Variants in MAST4 observed in about 807,000 individuals in gnomAD.
The protein encoded by MAST4 is microtubule associated serine/threonine kinase family member 4.
A neutral mutation model predicts 162.7 loss-of-function variants in MAST4; 89 were observed. The ratio of observed to expected loss-of-function variants is 0.55; its 90% CI spans 0.46 to 0.65. The LOEUF (loss-of-function observed/expected upper bound fraction) is 0.65. Among genes scored for constraint, MAST4 ranks in the 30% least tolerant of loss-of-function variants. The pLI is 0.00. For synonymous variants in MAST4, 1,479 were observed against 1,361.1 expected (o/e 1.09, Z -1.91); for missense variants, 3,153 against 3,374.0 (o/e 0.93, Z 1.62).
chr5:67,021,336 C>T (rs1022683920), intron 4 of MAST4, among the ~76,000 whole-genome samples: 1 of 152,182 alleles, frequency 6.6e-6, no homozygotes, highest in Non-Finnish European at 1.5e-5. Flanking sequence ...AGTGTAAATA[C>T]AGGCATGCTA....
chr5:66,750,718 G>C (rs187182883), intron 1 of MAST4, among the ~76,000 whole-genome samples: 1 of 152,228 alleles, frequency 6.6e-6, no homozygotes, highest in Non-Finnish European at 1.5e-5. Context: ...GAGGCTGGGG[G>C]AGGGGCACCC....
At chr5:66,746,957 ATTTTT>A (rs374549454) in intron 1 of MAST4, among the ~76,000 whole-genome samples, 21 of 148,614 alleles carry the variant, frequency 1.4e-4, no homozygotes, top group African/African-American at 5.2e-4. Flanking sequence ...TACTAGCTTT[ATTTTT>A]TTTTTTAACA....
chr5:67,095,453 T>C (rs1379383836), intron 6 of MAST4, 144 bp from the exon 7 acceptor site: 2 of 553,476 alleles, frequency 3.6e-6, no homozygotes, highest in Non-Finnish European at 6.4e-6. Context: ...ATAATGTTTG[T>C]TTACCCTGAC....
intron 3 of MAST4, among the ~76,000 whole-genome samples, chr5:66,837,894 A>ATT (rs754095073): frequency 8.2e-4 from 44 of 53,674 alleles, no homozygotes; most frequent in Middle Eastern, 0.015. Flanking sequence ...ATATATATAT[A>ATT]TTTTTTTTTT....
intron 1 of MAST4, among the ~76,000 whole-genome samples, chr5:66,635,495 A>G (rs1185949104): frequency 6.6e-6 from 1 of 152,190 alleles, no homozygotes; most frequent in Non-Finnish European, 1.5e-5. Context: ...TGAATTTCAG[A>G]AAAACAAGAA....
intron 1 of MAST4, among the ~76,000 whole-genome samples, chr5:66,672,600 C>A (rs539794988): frequency 3.3e-5 from 5 of 152,288 alleles, no homozygotes; most frequent in African/African-American, 1.2e-4. Flanking sequence ...CCATGTTTCT[C>A]AGGCCCCTTT....
chr5:66,959,186 C>T, intron 4 of MAST4: 1 of 778,916 alleles, frequency 1.3e-6, no homozygotes, highest in Non-Finnish European at 2.4e-6. Flanking sequence ...TCTGTCATCA[C>T]CGGGACGCTG....
chr5:66,638,694 A>G (rs868735738), intron 1 of MAST4, among the ~76,000 whole-genome samples: 1 of 152,202 alleles, frequency 6.6e-6, no homozygotes, highest in Non-Finnish European at 1.5e-5. Context: ...TCTCCCAGCC[A>G]TCTCTGTGGA....
chr5:67,074,447 TAATTTAAG>T (rs1761353311), intron 5 of MAST4, among the ~76,000 whole-genome samples: 1 of 152,206 alleles, frequency 6.6e-6, no homozygotes, highest in Non-Finnish European at 1.5e-5. Context: ...TTATGAAATA[TAATTTAAG>T]GAAATAATCA....
chr5:66,731,688 T>C (rs921524056), intron 1 of MAST4, among the ~76,000 whole-genome samples: 1 of 152,108 alleles, frequency 6.6e-6, no homozygotes, highest in Non-Finnish European at 1.5e-5. Context: ...GTCTCACCTT[T>C]GTCTCCACTC....
chr5:66,700,800 TAC>T (rs10522165), intron 1 of MAST4, among the ~76,000 whole-genome samples: 3,083 of 91,052 alleles, frequency 0.034, 75 homozygotes, highest in East Asian at 0.097. Flanking sequence ...TATATATATA[TAC>T]ACACACACAC....
intron 1 of MAST4, among the ~76,000 whole-genome samples, chr5:66,703,266 T>G (rs917718965): frequency 6.6e-6 from 1 of 152,170 alleles, no homozygotes; most frequent in African/African-American, 2.4e-5. Flanking sequence ...TGATAAGAGT[T>G]CTTAAGTTTT....
intron 4 of MAST4, among the ~76,000 whole-genome samples, chr5:67,040,502 A>G (rs892601976): frequency 2.6e-5 from 4 of 152,202 alleles, no homozygotes; most frequent in Admixed American, 1.3e-4. Context: ...TCTGTACACA[A>G]GTGTATCCTG....
At chr5:67,142,694 A>G (rs1041545704) in intron 21 of MAST4, 161 bp downstream of exon 21, 1 of 596,592 alleles carries the variant, frequency 1.7e-6, no homozygotes, top group Non-Finnish European at 3.0e-6. Flanking sequence ...CTCAACTTAT[A>G]GTCTGTCCCT....
chr5:66,963,100 GT>G (rs1437035379), intron 4 of MAST4, among the ~76,000 whole-genome samples: 2 of 152,286 alleles, frequency 1.3e-5, no homozygotes, highest in African/African-American at 4.8e-5. Context: ...TTCATTGACA[GT>G]TGGATTTGAG....
chr5:66,682,795 C>T (rs542544037), intron 1 of MAST4, among the ~76,000 whole-genome samples: 1 of 152,300 alleles, frequency 6.6e-6, no homozygotes, highest in East Asian at 1.9e-4. Context: ...CCAGACTGAC[C>T]TCAAACTCCT....
intron 5 of MAST4, among the ~76,000 whole-genome samples, chr5:67,082,693 C>T (rs1287660953): frequency 6.6e-6 from 1 of 151,904 alleles, no homozygotes; most frequent in African/African-American, 2.4e-5. Context: ...AGACTGTGGG[C>T]ATGTAAGAGA....
At chr5:66,717,496 A>G (rs1750916905) in intron 1 of MAST4, among the ~76,000 whole-genome samples, 1 of 152,154 alleles carries the variant, frequency 6.6e-6, no homozygotes, top group African/African-American at 2.4e-5. Context: ...TATCCAATGT[A>G]TTAATTTTGA....
At chr5:67,116,485 C>T (rs1335340044) in intron 12 of MAST4, among the ~76,000 whole-genome samples, 2 of 151,712 alleles carry the variant, frequency 1.3e-5, no homozygotes, top group African/African-American at 2.4e-5. Context: ...GGATTACAGG[C>T]GTGAGCCACC....
Sources: gnomAD v4.1 joint callset for allele counts (sites outside exome capture counted in the v4.1 genomes callset) on GRCh38, gnomAD v4.1.1 for gene constraint, MANE v1.5 for transcripts, NCBI Gene and HGNC (gene_info 2026-07-23, HGNC 2026-07-21) for gene names.